STAG2: variants seen among roughly 807,000 people sequenced by gnomAD.
The protein encoded by STAG2 is STAG2 cohesin complex component, also known as cohesin subunit SA-2.
In STAG2, 14 loss-of-function variants were observed where a neutral mutation model predicts 108.1. That is an observed-to-expected ratio of 0.13 (90% CI 0.09 to 0.20). The LOEUF (loss-of-function observed/expected upper bound fraction) is 0.20, where lower values mean the gene tolerates loss of function less well. Ranked by LOEUF, STAG2 falls within the 10% of genes least tolerant of loss-of-function variation. The pLI is 1.00. For synonymous variants in STAG2, 307 were observed against 302.7 expected, an observed-to-expected ratio of 1.01 and a Z score of -0.15; for missense variants, 440 against 940.9, an observed-to-expected ratio of 0.47 and a Z score of 6.96.
At chrX:124,040,554 C>T (rs923507881) in intron 6 of STAG2, among the ~76,000 whole-genome samples, 3 of 109,264 alleles carry the variant, frequency 2.7e-5, no homozygotes, top group Non-Finnish European at 3.8e-5. Context: ...CTCTGAGGTC[C>T]TTTTCTGCTT....
At chrX:124,047,620 T>C in intron 9 of STAG2, 115 bp downstream of exon 9, 1 of 645,233 alleles carries the variant, frequency 1.5e-6, no homozygotes, top group East Asian at 3.6e-5. Context: ...TAAATGTAAA[T>C]AACATTTCAA....
chrX:124,051,462 G>A (rs1014471059), intron 13 of STAG2, 68 bp downstream of exon 13: 3 of 868,022 alleles, frequency 3.5e-6, no homozygotes, highest in Non-Finnish European at 4.8e-6. Context: ...AGAGTATTTG[G>A]TTCAGACTCA....
chrX:124,064,546 C>T (rs772491235), intron 20 of STAG2, among the ~76,000 whole-genome samples: 1 of 108,005 alleles, frequency 9.3e-6, no homozygotes, highest in African/African-American at 3.4e-5. Context: ...CAGGTTCAAG[C>T]GATTCTCCGG....
At chrX:124,002,633 AT>A (rs2147850502) in intron 1 of STAG2, among the ~76,000 whole-genome samples, 2 of 109,459 alleles carry the variant, frequency 1.8e-5, no homozygotes, top group African/African-American at 6.6e-5. Flanking sequence ...CATACACCTG[AT>A]TTTTTTTGAG....
At chrX:124,044,189 T>C (rs746385215) in intron 7 of STAG2, among the ~76,000 whole-genome samples, 1 of 111,293 alleles carries the variant, frequency 9.0e-6, no homozygotes, top group African/African-American at 3.3e-5. Flanking sequence ...TAGTGAGAAC[T>C]TTCTCACTAA....
intron 1 of STAG2, among the ~76,000 whole-genome samples, chrX:123,997,882 C>T (rs1333073317): frequency 8.9e-6 from 1 of 112,065 alleles, no homozygotes; most frequent in East Asian, 2.8e-4. Flanking sequence ...CTCAGGTGAT[C>T]CGCCCACCTC....
Position 124,063,858 on chromosome X carries a change from C to T in STAG2, c.1832C>T (p.Ala611Val), listed in dbSNP as rs2148325463. ...ATTATTATTTTGCAGCATTTGGATG[C>T]CTTATTGCGACAGATCCGGAATATT... ...TTGRLEKHLD[A>V]LLRQIRNIVE... is the part of the protein sequence containing the mutation. The change falls in exon 20 of 35, where the codon GCC becomes GTC. Residue 611 changes from alanine to valine, a missense_variant. Ala to Val is a moderately conservative substitution (Grantham distance 64). This residue lies in a region of STAG2 where 337 missense variants were observed against 649.3 expected (regional missense o/e 0.52). Coordinates refer to ENST00000371145, the MANE Select transcript of STAG2 (RefSeq NM_001042750.2). 2 of 1,207,899 alleles carry T rather than the reference C, an allele frequency of 1.7e-6. No homozygotes were observed. Among genetic ancestry groups the T allele is most frequent in the Non-Finnish European group, 2.2e-6 (2 of 892,557 alleles).
At chrX:123,998,327 C>G (rs2055850449) in intron 1 of STAG2, among the ~76,000 whole-genome samples, 1 of 105,463 alleles carries the variant, frequency 9.5e-6, no homozygotes. Context: ...CCACCATGCC[C>G]AACTAATTTT....
At chrX:124,096,381 C>T (rs780085736) in intron 34 of STAG2, among the ~76,000 whole-genome samples, 35 of 111,574 alleles carry the variant, frequency 3.1e-4, no homozygotes, top group African/African-American at 1.1e-3. Context: ...AAGCTTTTTT[C>T]TGCCAGAAAT....
At chrX:124,038,411 ATT>A (rs752659869) in intron 6 of STAG2, among the ~76,000 whole-genome samples, 4 of 103,012 alleles carry the variant, frequency 3.9e-5, no homozygotes, top group Non-Finnish European at 2.0e-5. Flanking sequence ...TTCTGGGGGT[ATT>A]TTTTTTTTTT....
intron 11 of STAG2, 24 bp from the exon 12 acceptor site, chrX:124,051,097 A>G: frequency 1.4e-6 from 1 of 734,785 alleles, no homozygotes; most frequent in Non-Finnish European, 2.0e-6. Flanking sequence ...GCATTGTCTC[A>G]TCTTTTTTTT....
intron 25 of STAG2, among the ~76,000 whole-genome samples, chrX:124,074,192 G>A (rs1409461604): frequency 8.9e-6 from 1 of 112,341 alleles, no homozygotes; most frequent in Non-Finnish European, 1.9e-5. Context: ...GGGATTATAG[G>A]CACATGCCAC....
intron 13 of STAG2, among the ~76,000 whole-genome samples, chrX:124,055,479 G>A (rs1290357415): frequency 8.9e-6 from 1 of 112,809 alleles, no homozygotes; most frequent in Non-Finnish European, 1.9e-5. Context: ...GGGGTACTGT[G>A]GTTGATGGGC....
In STAG2 at chrX:123,982,912, C is replaced by T. The variant is rs182912515; in HGVS notation, c.-163+21056C>T. 4.8e-3 allele frequency among the ~76,000 whole-genome samples: 534 copies of T among 110,508 alleles called. 2 individuals carry two copies. Among genetic ancestry groups the T allele is most frequent in the African/African-American group, 0.016 (498 of 30,383 alleles). Reference sequence around the variant, plus strand: ...TCTAATTGTGTCCAGCAGTTGGAATCACGCTGTCAGTCAGCATGAACATTT... The same window carrying T: ...TCTAATTGTGTCCAGCAGTTGGAATTACGCTGTCAGTCAGCATGAACATTT... On this transcript the variant is annotated intron_variant, in intron 1 of 34. Transcript: ENST00000371145.
chrX:123,962,320 G>A (rs2053907618), intron 1 of STAG2, among the ~76,000 whole-genome samples: 1 of 111,327 alleles, frequency 9.0e-6, no homozygotes, highest in Admixed American at 9.6e-5. Context: ...CTAGAATTGT[G>A]AACGTATTGT....
intron 27 of STAG2, among the ~76,000 whole-genome samples, chrX:124,080,420 TG>T (rs2058926251): frequency 9.0e-6 from 1 of 111,178 alleles, no homozygotes; most frequent in Non-Finnish European, 1.9e-5. Context: ...CCGGGCGCGG[TG>T]GCTCACATCT....
At chrX:124,020,708 T>G (rs765098026) in intron 1 of STAG2, among the ~76,000 whole-genome samples, 1 of 111,154 alleles carries the variant, frequency 9.0e-6, no homozygotes, top group South Asian at 3.8e-4. Flanking sequence ...ATTTTAAAAT[T>G]TATGTATGTA....
chrX:124,040,841 TCTC>T (rs1461661740), intron 6 of STAG2, among the ~76,000 whole-genome samples: 1 of 103,070 alleles, frequency 9.7e-6, no homozygotes, highest in African/African-American at 3.6e-5. Flanking sequence ...TGTTTTCTCT[TCTC>T]CTCTTCTCTC....
intron 1 of STAG2, among the ~76,000 whole-genome samples, chrX:123,979,149 C>T (rs1345262304): frequency 1.8e-5 from 2 of 111,549 alleles, no homozygotes; most frequent in Admixed American, 1.9e-4. Context: ...CTTGTTGATC[C>T]CTCTGCCTGG....
Sources: gnomAD v4.1 joint callset for allele counts (sites outside exome capture counted in the v4.1 genomes callset) on GRCh38, gnomAD v4.1.1 for gene constraint, gnomAD v4.1.1 regional missense constraint, MANE v1.5 for transcripts, NCBI Gene and HGNC (gene_info 2026-07-23, HGNC 2026-07-21) for gene names.